ACYP2: variants seen among roughly 807,000 people sequenced by gnomAD.
The protein encoded by ACYP2 is acylphosphatase 2, also known as acylphosphatase-2.
ACYP2 carries 12 observed loss-of-function variants against 11.2 expected under a neutral mutation model. The ratio of observed to expected loss-of-function variants is 1.08; its 90% confidence interval spans 0.69 to 1.74. The LOEUF is 1.74. Ranked by LOEUF, ACYP2 falls within the 40% of genes most tolerant of loss-of-function variation. The probability of loss-of-function intolerance (pLI) is 0.00; values close to 1 mark genes in which losing one functional copy is unlikely to be tolerated. For missense variants in ACYP2, 134 were observed against 101.9 expected (o/e 1.31, Z -1.35); for synonymous variants, 43 against 32.2 (o/e 1.33, Z -1.13).
intron 5 of ACYP2, among the ~76,000 whole-genome samples, chr2:54,136,591 A>G (rs1681250971): frequency 6.6e-6 from 1 of 152,154 alleles, no homozygotes; most frequent in African/African-American, 2.4e-5. Context: ...AGCTGTTACC[A>G]TTTTGATTTG....
chr2:53,988,614 C>G (rs879667770), intron 2 of ACYP2, among the ~76,000 whole-genome samples: 1 of 152,054 alleles, frequency 6.6e-6, no homozygotes, highest in Non-Finnish European at 1.5e-5. Context: ...TTTGTAGAGA[C>G]AGGGTTTTGC....
intron 4 of ACYP2, among the ~76,000 whole-genome samples, chr2:54,094,556 G>A (rs1408303327): frequency 7.0e-6 from 1 of 143,084 alleles, no homozygotes; most frequent in Non-Finnish European, 1.5e-5. Context: ...GTGTGTGTTT[G>A]AGACATTGTC....
intron 4 of ACYP2, among the ~76,000 whole-genome samples, chr2:54,061,217 G>C (rs934457807): frequency 6.6e-6 from 1 of 152,170 alleles, no homozygotes; most frequent in Non-Finnish European, 1.5e-5. Flanking sequence ...CCAACTTTTG[G>C]ATATGAAGAT....
At chr2:53,980,474 G>A (rs1452487961) in intron 2 of ACYP2, among the ~76,000 whole-genome samples, 4 of 151,872 alleles carry the variant, frequency 2.6e-5, no homozygotes, top group Admixed American at 2.0e-4. Flanking sequence ...TCCCAGCACT[G>A]TGGGAGGCCA....
At chr2:54,146,118 T>C (rs1225104541) in intron 6 of ACYP2, among the ~76,000 whole-genome samples, 1 of 152,260 alleles carries the variant, frequency 6.6e-6, no homozygotes, top group Non-Finnish European at 1.5e-5. Flanking sequence ...GCTTGACTGA[T>C]TGACTTACAA....
At chr2:54,245,911 TATTC>T (rs1686928868) in intron 6 of ACYP2, among the ~76,000 whole-genome samples, 2 of 152,184 alleles carry the variant, frequency 1.3e-5, no homozygotes, top group Non-Finnish European at 1.5e-5. Context: ...TTTGAGGTCT[TATTC>T]ATAAAATCTT....
intron 6 of ACYP2, among the ~76,000 whole-genome samples, chr2:54,275,838 C>T (rs761598655): frequency 6.6e-6 from 1 of 152,088 alleles, no homozygotes; most frequent in Non-Finnish European, 1.5e-5. Flanking sequence ...TTGATAAGGG[C>T]AAAATACATT....
At chr2:54,042,107 A>G (rs1214438766) in intron 2 of ACYP2, among the ~76,000 whole-genome samples, 1 of 151,972 alleles carries the variant, frequency 6.6e-6, no homozygotes, top group East Asian at 1.9e-4. Context: ...CCCGAGTGCA[A>G]GCAATTCTCC....
rs371035415 is a variant in ACYP2, at chr2:54,146,285, T to C, written c.404+7537T>C. 3.3e-5 allele frequency among the ~76,000 whole-genome samples: 5 copies of C among 152,336 alleles called. No individual in the cohort carries two copies. In the South Asian group the frequency reaches 1.0e-3, roughly 32 times the overall value. On this transcript the variant is annotated intron_variant, in intron 6 of 6. Transcript: ENST00000607452. ...GAAAGTTTGTCAGATATTCCACTTA[T>C]CTCTCTTCTCCATTTTCACAACCAT...
At chr2:54,243,463 T>C (rs1686817150) in intron 6 of ACYP2, among the ~76,000 whole-genome samples, 1 of 152,172 alleles carries the variant, frequency 6.6e-6, no homozygotes, top group Non-Finnish European at 1.5e-5. Flanking sequence ...TTGTCATACA[T>C]AGTCCATCTT....
intron 6 of ACYP2, chr2:54,254,858 A>C: frequency 6.5e-7 from 1 of 1,533,012 alleles, no homozygotes; most frequent in Non-Finnish European, 8.8e-7. Context: ...CTGTTGCCCA[A>C]GCTCAGGTCC....
intron 6 of ACYP2, among the ~76,000 whole-genome samples, chr2:54,161,017 T>C (rs1338325113): frequency 2.6e-5 from 4 of 152,204 alleles, no homozygotes; most frequent in Non-Finnish European, 5.9e-5. Flanking sequence ...CAGCATTACC[T>C]GGCACCTTGT....
At chr2:54,132,361 C>T (rs1558555491) in intron 4 of ACYP2, among the ~76,000 whole-genome samples, 1 of 152,236 alleles carries the variant, frequency 6.6e-6, no homozygotes, top group East Asian at 1.9e-4. Context: ...CAATATGTCC[C>T]ACTCATCATT....
At chr2:54,138,616 C>G in intron 5 of ACYP2, 23 bp from the exon 3 acceptor site, 1 of 1,581,352 alleles carries the variant, frequency 6.3e-7, no homozygotes, top group South Asian at 1.1e-5. Context: ...GCACTTTATT[C>G]TTCTTGTTTT....
In ACYP2 at chr2:54,029,388, CT is replaced by C. The variant is rs201230149; in HGVS notation, c.63-21561del. 9.5e-5 allele frequency among the ~76,000 whole-genome samples: 10 copies of C among 105,716 alleles called. No homozygotes were observed. In the East Asian group the frequency reaches 1.2e-3, roughly 13 times the overall value. The allele number at this position is 105,716 out of a possible 152,430, so 69.4% of individuals were successfully genotyped here. ...TTACCAGGTTTCTTACATTTTATTA[CT>C]TTTTTTTTCCGTCCAGAGGTCATAT... On this transcript the variant is annotated intron_variant, in intron 2 of 6. Transcript: ENST00000607452.
chr2:54,236,399 A>T (rs1484974556), intron 6 of ACYP2, among the ~76,000 whole-genome samples: 4 of 152,200 alleles, frequency 2.6e-5, no homozygotes, highest in Non-Finnish European at 5.9e-5. Flanking sequence ...ATTTTAAAGA[A>T]CATTTACTTC....
rs59874821 is a variant in ACYP2 at position 54,201,636 on chromosome 2, C to CTTTTT, written c.404+62889_404+62890insTTTTT. Among the ~76,000 whole-genome samples, 128 of 93,698 alleles carry CTTTTT rather than the reference C, an allele frequency of 1.4e-3. 1 individual carries two copies. The highest frequency in any genetic ancestry group is 5.1e-3 in the African/African-American group (119 of 23,544). The allele number at this position is 93,698 out of a possible 152,430, so 61.5% of individuals were successfully genotyped here. A position where few individuals can be genotyped will look rare whatever the true frequency, so the allele number is the denominator to read the frequency against. On this transcript the variant is annotated intron_variant, in intron 6 of 6. Transcript: ENST00000607452. ...TCTTTCTTTCTTTGTTTCTTTCTTTCTCTTTCTTTCTTTCTTTCTTTCTTT... is the reference window on the plus strand; with the variant it reads ...TCTTTCTTTCTTTGTTTCTTTCTTTCTTTTTTCTTTCTTTCTTTCTTTCTTTCTTT...
chr2:54,133,339 T>C (rs1268952341), intron 4 of ACYP2, among the ~76,000 whole-genome samples: 1 of 152,238 alleles, frequency 6.6e-6, no homozygotes, highest in Non-Finnish European at 1.5e-5. Flanking sequence ...CTGCATGCTA[T>C]TCCGTTGTGT....
intron 6 of ACYP2, among the ~76,000 whole-genome samples, chr2:54,208,327 T>TA (rs1199340419): frequency 3.3e-5 from 5 of 152,250 alleles, no homozygotes; most frequent in Non-Finnish European, 4.4e-5. Flanking sequence ...CCCTTAGTCT[T>TA]ACATTTCTAA....
Sources: gnomAD v4.1 joint callset for allele counts (sites outside exome capture counted in the v4.1 genomes callset) on GRCh38, gnomAD v4.1.1 for gene constraint, MANE v1.5 for transcripts, NCBI Gene and HGNC (gene_info 2026-07-23, HGNC 2026-07-21) for gene names.